The following CAMK1D variants were observed in gnomAD, a reference collection of about 807,000 sequenced individuals.
CAMK1D encodes the protein calcium/calmodulin dependent protein kinase ID.
A neutral mutation model predicts 47.7 loss-of-function variants in CAMK1D; 9 were observed. The ratio of observed to expected loss-of-function variants is 0.19; its 90% CI spans 0.11 to 0.33. The LOEUF (loss-of-function observed/expected upper bound fraction) is 0.33, where lower values mean the gene tolerates loss of function less well. Ranked by LOEUF, CAMK1D falls within the 10% of genes least tolerant of loss-of-function variation. The pLI, the probability that CAMK1D is intolerant of heterozygous loss-of-function variation, is 1.00. For missense variants in CAMK1D, 291 were observed against 488.7 expected, an observed-to-expected ratio of 0.60 and a Z score of 3.81; for synonymous variants, 184 against 184.9, an observed-to-expected ratio of 0.99 and a Z score of 0.04.
At chr10:12,651,376 A>C (rs1435331448) in intron 2 of CAMK1D, among the ~76,000 whole-genome samples, 1 of 152,098 alleles carries the variant, frequency 6.6e-6, no homozygotes, top group Non-Finnish European at 1.5e-5. Context: ...CCTGATTTTA[A>C]CACAACTTTT....
At chr10:12,374,814 G>C (rs1341975972) in intron 1 of CAMK1D, among the ~76,000 whole-genome samples, 1 of 151,762 alleles carries the variant, frequency 6.6e-6, no homozygotes, top group Non-Finnish European at 1.5e-5. Flanking sequence ...GTGGTGGTGG[G>C]CGCTTGTAAT....
chr10:12,613,034 A>T (rs1588689549), intron 2 of CAMK1D, among the ~76,000 whole-genome samples: 1 of 152,116 alleles, frequency 6.6e-6, no homozygotes, highest in African/African-American at 2.4e-5. Context: ...TCCCTCGATC[A>T]TTGGCAGGAA....
At chr10:12,705,842 T>C (rs1210187740) in intron 3 of CAMK1D, among the ~76,000 whole-genome samples, 3 of 152,252 alleles carry the variant, frequency 2.0e-5, no homozygotes, top group Admixed American at 1.3e-4. Context: ...AGAATGCTTT[T>C]ATTAAACAGC....
chr10:12,411,331 C>T (rs573191315), intron 1 of CAMK1D, among the ~76,000 whole-genome samples: 4 of 152,200 alleles, frequency 2.6e-5, no homozygotes, highest in Non-Finnish European at 5.9e-5. Flanking sequence ...TTCCACCATG[C>T]GGATCCACAT....
At chr10:12,411,310 T>C (rs1839648032) in intron 1 of CAMK1D, among the ~76,000 whole-genome samples, 1 of 152,216 alleles carries the variant, frequency 6.6e-6, no homozygotes, top group Non-Finnish European at 1.5e-5. Context: ...CATTAGAGCT[T>C]TAGGCTGTGC....
intron 1 of CAMK1D, among the ~76,000 whole-genome samples, chr10:12,444,577 AT>A (rs1832876288): frequency 6.6e-6 from 1 of 152,192 alleles, no homozygotes; most frequent in African/African-American, 2.4e-5. Context: ...ACATCAGTCA[AT>A]ATCGTATTTA....
chr10:12,601,390 C>A (rs1359501134), intron 2 of CAMK1D, among the ~76,000 whole-genome samples: 1 of 152,172 alleles, frequency 6.6e-6, no homozygotes, highest in African/African-American at 2.4e-5. Flanking sequence ...GTTCCTGTGA[C>A]CTGGCACGTG....
At chr10:12,739,415 A>G (rs1835328495) in intron 3 of CAMK1D, among the ~76,000 whole-genome samples, 1 of 149,280 alleles carries the variant, frequency 6.7e-6, no homozygotes, top group Non-Finnish European at 1.5e-5. Flanking sequence ...AGCTGGGATT[A>G]CAGGTGCATG....
At chr10:12,708,709 G>C (rs1833821693) in intron 3 of CAMK1D, among the ~76,000 whole-genome samples, 1 of 152,158 alleles carries the variant, frequency 6.6e-6, no homozygotes, top group South Asian at 2.1e-4. Flanking sequence ...TTTTGGACAG[G>C]TGGGCTGTTT....
chr10:12,598,873 T>C (rs755470680), intron 2 of CAMK1D, among the ~76,000 whole-genome samples: 4 of 152,218 alleles, frequency 2.6e-5, no homozygotes, highest in Non-Finnish European at 4.4e-5. Flanking sequence ...TTACGAGGCC[T>C]ACAAAGACCA....
intron 1 of CAMK1D, among the ~76,000 whole-genome samples, chr10:12,470,127 T>C (rs1046874650): frequency 2.6e-5 from 4 of 152,248 alleles, no homozygotes; most frequent in African/African-American, 4.8e-5. Context: ...ATTATATAAA[T>C]ATAGCTAGCC....
At chr10:12,740,518 A>C (rs557126637) in intron 3 of CAMK1D, among the ~76,000 whole-genome samples, 1 of 152,314 alleles carries the variant, frequency 6.6e-6, no homozygotes, top group East Asian at 1.9e-4. Flanking sequence ...GAACTGTTTG[A>C]ACCTGGGAGG....
intron 3 of CAMK1D, among the ~76,000 whole-genome samples, chr10:12,746,685 A>C (rs1231275946): frequency 1.3e-5 from 2 of 152,178 alleles, no homozygotes; most frequent in Non-Finnish European, 1.5e-5. Context: ...GACCAGAGTT[A>C]CTGAGGAAAG....
intron 1 of CAMK1D, among the ~76,000 whole-genome samples, chr10:12,415,457 T>TTG (rs1420088397): frequency 2.9e-5 from 4 of 139,226 alleles, no homozygotes; most frequent in African/African-American, 1.0e-4. Context: ...CCTGGCTAAT[T>TTG]TTTTTTTTTT....
At chr10:12,694,996 G>A (rs1833208390) in intron 3 of CAMK1D, among the ~76,000 whole-genome samples, 1 of 151,438 alleles carries the variant, frequency 6.6e-6, no homozygotes, top group East Asian at 1.9e-4. Flanking sequence ...TCGTTGGAGT[G>A]GACCAATTCC....
At chr10:12,665,109 A>G (rs1441158927) in intron 2 of CAMK1D, among the ~76,000 whole-genome samples, 1 of 152,184 alleles carries the variant, frequency 6.6e-6, no homozygotes, top group Non-Finnish European at 1.5e-5. Context: ...TATGGCTGGT[A>G]GTATCTTGCT....
chr10:12,795,122 T>C (rs1239844231), intron 6 of CAMK1D, among the ~76,000 whole-genome samples: 1 of 152,112 alleles, frequency 6.6e-6, no homozygotes, highest in Non-Finnish European at 1.5e-5. Flanking sequence ...CAGAATGCAG[T>C]GGTCATTGAG....
chr10:12,750,210 A>G (rs1835883263), intron 3 of CAMK1D, among the ~76,000 whole-genome samples: 1 of 152,058 alleles, frequency 6.6e-6, no homozygotes, highest in Admixed American at 6.6e-5. Context: ...GTGTGTTTTG[A>G]TTACCCTGCC....
At chr10:12,751,912 C>CT (rs71386116) in intron 3 of CAMK1D, among the ~76,000 whole-genome samples, 22,521 of 152,028 alleles carry the variant, frequency 0.15, 1,775 homozygotes, top group Admixed American at 0.17. Flanking sequence ...TTTTGCAAGG[C>CT]TGAGCAATAG....
Sources: gnomAD v4.1 joint callset for allele counts (sites outside exome capture counted in the v4.1 genomes callset) on GRCh38, gnomAD v4.1.1 for gene constraint, MANE v1.5 for transcripts, NCBI Gene and HGNC (gene_info 2026-07-23, HGNC 2026-07-21) for gene names.